BTBD1: variants seen among roughly 807,000 people sequenced by gnomAD.
BTBD1 encodes BTB domain containing 1.
In BTBD1, 34 loss-of-function variants were observed where a neutral mutation model predicts 48.0. The ratio of observed to expected loss-of-function variants is 0.71; its 90% CI spans 0.54 to 0.94. The LOEUF is 0.94. Among genes scored for constraint, BTBD1 ranks in the 40% least tolerant of loss-of-function variants. The pLI is 0.00. For synonymous variants in BTBD1, 261 were observed against 242.1 expected (o/e 1.08, Z -0.72); for missense variants, 543 against 625.6 (o/e 0.87, Z 1.41).
chr15:83,064,153 G>A (rs7177462), intron 1 of BTBD1, among the ~76,000 whole-genome samples: 41,727 of 152,056 alleles, frequency 0.27, 6,043 homozygotes, highest in African/African-American at 0.3. Context: ...AACTAATTCA[G>A]GATGTTTACA....
At chr15:83,065,665 T>C (rs2033254521) in intron 1 of BTBD1, among the ~76,000 whole-genome samples, 3 of 152,236 alleles carry the variant, frequency 2.0e-5, no homozygotes, top group Non-Finnish European at 2.9e-5. Context: ...TGGTCTTCAG[T>C]GTGAGTTAGC....
At chr15:83,030,440 A>T in intron 4 of BTBD1, 112 bp from the exon 5 acceptor site, 1 of 829,258 alleles carries the variant, frequency 1.2e-6, no homozygotes, top group South Asian at 1.8e-5. Context: ...AAATAGGGGA[A>T]AAAAATCTTA....
chr15:83,041,479 G>A (rs1000472990), intron 4 of BTBD1, among the ~76,000 whole-genome samples: 4 of 151,784 alleles, frequency 2.6e-5, no homozygotes, highest in Non-Finnish European at 4.4e-5. Flanking sequence ...GGGTTCAAGC[G>A]ATTCTCCTGC....
chr15:83,050,191 A>G lies in BTBD1; in HGVS notation c.559-13T>C. On this transcript the variant is annotated splice_polypyrimidine_tract_variant and intron_variant, in intron 2 of 7. Coordinates refer to ENST00000261721, the MANE Select transcript of BTBD1 (RefSeq NM_025238.4). ...CAAATAATCGAGCCTAAACATATAA[A>G]GAGATAGTTATTTAACTTTCATAGT... 1 of 1,544,110 alleles carries G rather than the reference A, an allele frequency of 6.5e-7. No homozygotes were observed. Among genetic ancestry groups the G allele is most frequent in the South Asian group, 1.1e-5 (1 of 88,624 alleles).
At chr15:83,020,812 A>G in intron 5 of BTBD1, 50 bp from the exon 6 acceptor site, 4 of 1,182,768 alleles carry the variant, frequency 3.4e-6, no homozygotes, top group Non-Finnish European at 5.0e-6. Flanking sequence ...ATGTGTTCAT[A>G]TTCTGAAGGG....
At chr15:83,048,889 G>GA (rs2032928737) in intron 3 of BTBD1, among the ~76,000 whole-genome samples, 1 of 152,188 alleles carries the variant, frequency 6.6e-6, no homozygotes. Flanking sequence ...AATTTTTGGT[G>GA]AATCAGTGAG....
chr15:83,041,678 C>G, intron 4 of BTBD1, 50 bp downstream of exon 4: 1 of 1,567,208 alleles, frequency 6.4e-7, no homozygotes, highest in Non-Finnish European at 8.8e-7. Flanking sequence ...CCAGCCCTGA[C>G]AGACTATTAA....
chr15:83,040,103 C>T (rs2032721889), intron 4 of BTBD1, among the ~76,000 whole-genome samples: 1 of 152,072 alleles, frequency 6.6e-6, no homozygotes, highest in African/African-American at 2.4e-5. Context: ...AGCTAGAAGC[C>T]ATTATCTTAA....
At chr15:83,020,822 G>A in intron 5 of BTBD1, 60 bp from the exon 6 acceptor site, 1 of 1,111,580 alleles carries the variant, frequency 9.0e-7, no homozygotes, top group South Asian at 1.4e-5. Context: ...ATTCTGAAGG[G>A]TTATAATTTT....
intron 2 of BTBD1, among the ~76,000 whole-genome samples, chr15:83,055,500 C>A (rs572263383): frequency 1.3e-5 from 2 of 152,006 alleles, no homozygotes; most frequent in Non-Finnish European, 2.9e-5. Context: ...TCAAGTGATC[C>A]GCCCACCTGG....
intron 4 of BTBD1, among the ~76,000 whole-genome samples, chr15:83,040,362 T>C (rs910231620): frequency 2.0e-5 from 3 of 152,064 alleles, no homozygotes; most frequent in Admixed American, 6.6e-5. Flanking sequence ...ATGAAACAAA[T>C]CTGCACGTTA....
intron 4 of BTBD1, among the ~76,000 whole-genome samples, chr15:83,033,137 A>G (rs2032557543): frequency 6.6e-6 from 1 of 151,732 alleles, no homozygotes; most frequent in East Asian, 1.9e-4. Context: ...GGGTGGGAGG[A>G]TTGTTTGAGG....
At chr15:83,050,430 T>TTGTGTGTG (rs71927319) in intron 2 of BTBD1, among the ~76,000 whole-genome samples, 4,986 of 146,212 alleles carry the variant, frequency 0.034, 86 homozygotes, top group Middle Eastern at 0.1. Context: ...TTTTATGTGC[T>TTGTGTGTG]TGTGTGTGTG....
chr15:83,041,945 T>C lies in BTBD1; in HGVS notation c.665-20A>G, dbSNP rs1394395630. On this transcript the variant is annotated intron_variant, in intron 3 of 7. Transcript: ENST00000261721. ...GTGTATCTATAGGCAAAATACAAAA[T>C]AAACCCAATTAGAAATATTTTAGCT... 2 of 1,604,510 alleles carry C rather than the reference T, an allele frequency of 1.2e-6. No homozygotes were observed. Among genetic ancestry groups the C allele is most frequent in the African/African-American group, 1.3e-5 (1 of 74,676 alleles).
At position 83,018,745 on chromosome 15, in the gene BTBD1, G is replaced by A; in HGVS notation, c.1252C>T (p.Leu418=). ...CATGCTGTGTAGCACACATTGGGCA[G>A]GATCTCTATGGGTTCCTTGAACATG... ...RVMFKEPIEI[L]PNVCYTACAT... is the part of the protein sequence containing the mutation. The change falls in exon 7 of 8, where the codon CTG becomes TTG. Residue 418 remains leucine, a synonymous_variant. Transcript: ENST00000261721. 1 of 1,614,148 alleles carries A rather than the reference G, an allele frequency of 6.2e-7. No homozygotes were observed. Among genetic ancestry groups the A allele is most frequent in the Non-Finnish European group, 8.5e-7 (1 of 1,180,014 alleles).
At chr15:83,048,703 T>G (rs182646306) in intron 3 of BTBD1, among the ~76,000 whole-genome samples, 2 of 152,338 alleles carry the variant, frequency 1.3e-5, no homozygotes, top group East Asian at 3.9e-4. Context: ...AATTTTACCA[T>G]GAGCTAACTG....
chr15:83,044,527 T>TCGGC, intron 3 of BTBD1: 1 of 1,591,516 alleles, frequency 6.3e-7, no homozygotes, highest in Non-Finnish European at 8.6e-7. Flanking sequence ...AACCTCACCA[T>TCGGC]AAAAACCGAG....
rs936262145 is a variant in BTBD1 at position 83,016,880 on chromosome 15, A to C, written c.*1187T>G. 1.3e-5 allele frequency: 2 copies of C among 152,204 alleles called. No individual in the cohort carries two copies. The highest frequency in any genetic ancestry group is 4.1e-4 in the South Asian group (2 of 4,832). The allele number at this position is 152,204 out of a possible 1,614,324, so 9.4% of individuals were successfully genotyped here. On this transcript the variant is annotated 3_prime_UTR_variant, in exon 8 of 8. Coordinates refer to ENST00000261721, the MANE Select transcript of BTBD1 (RefSeq NM_025238.4). ...AAAAAATTAAGTTGATATTTAAAAGAATTTTGATTTTTAATCACCTTCCAC... is the reference window on the plus strand; with the variant it reads ...AAAAAATTAAGTTGATATTTAAAAGCATTTTGATTTTTAATCACCTTCCAC...
At chr15:83,058,250 T>C (rs1227063563) in intron 1 of BTBD1, among the ~76,000 whole-genome samples, 1 of 152,238 alleles carries the variant, frequency 6.6e-6, no homozygotes. Context: ...GGGCTCCAGA[T>C]TCATCTACTC....
Sources: gnomAD v4.1 joint callset for allele counts (sites outside exome capture counted in the v4.1 genomes callset) on GRCh38, gnomAD v4.1.1 for gene constraint, MANE v1.5 for transcripts, NCBI Gene and HGNC (gene_info 2026-07-23, HGNC 2026-07-21) for gene names.